Variants in ANXA6 observed in about 807,000 individuals in gnomAD.
ANXA6 encodes 67 kDa calelectrin.
Under a neutral mutation model 95.4 loss-of-function variants are expected in ANXA6, and 71 were observed. The ratio of observed to expected loss-of-function variants is 0.74; its 90% CI spans 0.61 to 0.91. The LOEUF (loss-of-function observed/expected upper bound fraction) is 0.91. Among genes scored for constraint, ANXA6 ranks in the 40% least tolerant of loss-of-function variants. The probability of loss-of-function intolerance (pLI) is 0.00; values close to 1 mark genes in which losing one functional copy is unlikely to be tolerated. For synonymous variants in ANXA6, 289 were observed against 315.9 expected, an observed-to-expected ratio of 0.91 and a Z score of 0.90; for missense variants, 830 against 876.4, an observed-to-expected ratio of 0.95 and a Z score of 0.67.
At position 151,108,525 on chromosome 5, in the gene ANXA6, G is replaced by A. The variant is rs1581977751; in HGVS notation, c.1710C>T (p.Thr570=). 1 of 1,613,844 alleles carries A rather than the reference G, an allele frequency of 6.2e-7. No homozygotes were observed. The highest frequency in any genetic ancestry group is 1.7e-5 in the Admixed American group (1 of 60,006). Residue 570 remains threonine (T), a synonymous_variant, in exon 23 of 26, where the codon ACC becomes ACT. Transcript: ENST00000354546. ...RRVFQEFIKM[T]NYDVEHTIKK... is the part of the protein sequence containing the mutation. ...TGATGGTGTGCTCCACGTCATAGTTGGTCATCTTGATGAACTCCTGGAAGA... is the reference window on the plus strand; with the variant it reads ...TGATGGTGTGCTCCACGTCATAGTTAGTCATCTTGATGAACTCCTGGAAGA...
intron 13 of ANXA6, among the ~76,000 whole-genome samples, chr5:151,127,951 A>G (rs1235994049): frequency 6.6e-6 from 1 of 152,156 alleles, no homozygotes; most frequent in Non-Finnish European, 1.5e-5. Flanking sequence ...ACAAGAGCAG[A>G]CATCTCCATA....
chr5:151,109,866 G>T lies in ANXA6; in HGVS notation c.1591-20C>A. 1 of 1,551,754 alleles carries T rather than the reference G, an allele frequency of 6.4e-7. No individual in the cohort carries two copies. The highest frequency in any genetic ancestry group is 8.8e-7 in the Non-Finnish European group (1 of 1,135,046). On this transcript the variant is annotated intron_variant, in intron 21 of 25. Transcript: ENST00000354546. ...TATTTCCTGCAGAGCCCCAGTTGGA[G>T]CAAGGATTTGGGAGGGGAGACATGA...
intron 10 of ANXA6, among the ~76,000 whole-genome samples, chr5:151,131,994 C>A (rs1469342298): frequency 6.6e-6 from 1 of 152,164 alleles, no homozygotes; most frequent in Non-Finnish European, 1.5e-5. Flanking sequence ...CACTGACTAG[C>A]CAGTTCCTCA....
At position 151,136,369 on chromosome 5, in the gene ANXA6, C is replaced by T. The variant is rs374979395; in HGVS notation, c.410-34G>A. 3.3e-5 allele frequency: 53 copies of T among 1,605,718 alleles called. No individual in the cohort carries two copies. In the African/African-American group the frequency reaches 5.1e-4, roughly 15 times the overall value. ...AGGAACGCAAGCTCTAGTCTCATCCCCAGAGACCTCAGGGATCTAGGATAA... is the reference window on the plus strand; with the variant it reads ...AGGAACGCAAGCTCTAGTCTCATCCTCAGAGACCTCAGGGATCTAGGATAA... On this transcript the variant is annotated intron_variant, in intron 6 of 25. Coordinates refer to ENST00000354546, the MANE Select transcript of ANXA6 (RefSeq NM_001155.5).
chr5:151,137,771 C>T (rs1340443553), intron 5 of ANXA6, among the ~76,000 whole-genome samples: 1 of 152,168 alleles, frequency 6.6e-6, no homozygotes, highest in African/African-American at 2.4e-5. Flanking sequence ...TTCTTGAGGC[C>T]TCCCCGGAAG....
In ANXA6 at chr5:151,137,589, C is replaced by T. The variant is rs57908704; in HGVS notation, c.319-268G>A. On this transcript the variant is annotated intron_variant, in intron 5 of 25. Coordinates refer to ENST00000354546, the MANE Select transcript of ANXA6 (RefSeq NM_001155.5). ...GTGGGAGGTGGTTGGATCATGGGGG[C>T]GGTTTCTCATGAATAGTTAGCACCA... Among the ~76,000 whole-genome samples the T allele has an allele frequency of 6.1e-3, 930 of 152,204 alleles. 13 individuals are homozygous for T. The highest frequency in any genetic ancestry group is 0.022 in the African/African-American group (899 of 41,512).
At position 151,132,558 on chromosome 5, in the gene ANXA6, A is replaced by G. The variant is rs771669164; in HGVS notation, c.654T>C (p.Tyr218=). Residue 218 remains tyrosine, a synonymous_variant, in exon 10 of 26, where the codon TAT becomes TAC. Coordinates refer to ENST00000354546, the MANE Select transcript of ANXA6 (RefSeq NM_001155.5). The part of the protein sequence containing the change: ...KQHLRLVFDE[Y]LKTTGKPIEA... Reference sequence around the variant, plus strand: ...CAATCGGCTTCCCTGTGGTCTTCAGATACTCATCGAACACTGCGTCAGACA... The same window carrying G: ...CAATCGGCTTCCCTGTGGTCTTCAGGTACTCATCGAACACTGCGTCAGACA... 6.2e-7 allele frequency: 1 copy of G among 1,612,996 alleles called. No homozygotes were observed. The highest frequency in any genetic ancestry group is 1.1e-5 in the South Asian group (1 of 90,778).
chr5:151,147,077 C>G (rs1765993306), intron 2 of ANXA6, among the ~76,000 whole-genome samples: 2 of 152,168 alleles, frequency 1.3e-5, no homozygotes. Flanking sequence ...CCAGCCTCAA[C>G]AGAGCACAGT....
chr5:151,138,472 TA>T (rs1364072667), intron 5 of ANXA6, among the ~76,000 whole-genome samples: 1 of 152,178 alleles, frequency 6.6e-6, no homozygotes, highest in Non-Finnish European at 1.5e-5. Context: ...AAGCTCCTGG[TA>T]AGGGGGTCTG....
chr5:151,108,740 C>T (rs966831325), intron 22 of ANXA6, among the ~76,000 whole-genome samples, 190 bp from the exon 23 acceptor site: 3 of 152,238 alleles, frequency 2.0e-5, no homozygotes, highest in Non-Finnish European at 4.4e-5. Flanking sequence ...GACATCAAGG[C>T]TGCCGTGGGC....
rs58268342 is a variant in ANXA6, at chr5:151,154,295, GTATATATATA to G, written c.-26+3375_-26+3384del. Among the ~76,000 whole-genome samples, 297 of 139,010 alleles carry G rather than the reference GTATATATATA, an allele frequency of 2.1e-3. 1 individual carries two copies. The highest frequency in any genetic ancestry group is 2.8e-3 in the Non-Finnish European group (179 of 63,790). The allele number at this position is 139,010 out of a possible 152,430, so 91.2% of individuals were successfully genotyped here. On this transcript the variant is annotated intron_variant, in intron 1 of 25. Transcript: ENST00000354546. ...AGGTGATGTCATATGGCAGTTTGCA[GTATATATATA>G]TATATATATATATATATATATATAT...
chr5:151,140,197 G>A lies in ANXA6; in HGVS notation c.65C>T (p.Pro22Leu). Residue 22 changes from proline to leucine, a missense_variant, in exon 3 of 26, where the codon CCC becomes CTC. Pro to Leu is a moderately conservative substitution (Grantham distance 98). Coordinates refer to ENST00000354546, the MANE Select transcript of ANXA6 (RefSeq NM_001155.5). ...GTACAGAGCCTCGGCATCCTGGTTG[G>A]GGTCAAAGCCTGGGAAGTCATGGAT... is the stretch of plus-strand genomic sequence containing the variant. ...GSIHDFPGFD[P>L]NQDAEALYTA... 2.5e-6 allele frequency: 4 copies of A among 1,613,920 alleles called. No homozygotes were observed. Among genetic ancestry groups the A allele is most frequent in the Non-Finnish European group, 3.4e-6 (4 of 1,179,880 alleles).
rs114822273 is a variant in ANXA6, at chr5:151,132,667, C to T, written c.641-96G>A. On this transcript the variant is annotated intron_variant, in intron 9 of 25. Coordinates refer to ENST00000354546, the MANE Select transcript of ANXA6 (RefSeq NM_001155.5). ...GAGCAGGGGGGCACAGTGGCCAGGA[C>T]GACTGTCCACCATGAAGCTAGGGCT... The T allele has an allele frequency of 7.3e-4, 723 of 996,100 alleles. 12 individuals carry two copies. In the South Asian group the frequency reaches 9.6e-3, roughly 13 times the overall value. The allele number at this position is 996,100 out of a possible 1,614,324, so 61.7% of individuals were successfully genotyped here. A position where few individuals can be genotyped will look rare whatever the true frequency, so the allele number is the denominator to read the frequency against.
intron 1 of ANXA6, among the ~76,000 whole-genome samples, chr5:151,149,179 C>CA (rs36120948): frequency 0.34 from 15,868 of 47,264 alleles, 3,713 homozygotes; most frequent in East Asian, 0.5. Flanking sequence ...AGCCCTGTCT[C>CA]AAAAAAAAAA....
At chr5:151,110,517 A>C in intron 21 of ANXA6, 110 bp downstream of exon 21, 1 of 1,224,376 alleles carries the variant, frequency 8.2e-7, no homozygotes, top group South Asian at 1.3e-5. Flanking sequence ...GAGAGAGAGA[A>C]GCCGCACAGC....
chr5:151,126,291 A>G lies in ANXA6; in HGVS notation c.1056+111T>C, dbSNP rs573534950. 115 of 844,944 alleles carry G rather than the reference A, an allele frequency of 1.4e-4. No homozygotes were observed. The East Asian group carries it at 3.0e-3, about 22-fold the overall frequency. The allele number at this position is 844,944 out of a possible 1,614,324, so 52.3% of individuals were successfully genotyped here. A position where few individuals can be genotyped will look rare whatever the true frequency, so the allele number is the denominator to read the frequency against. The stretch of plus-strand genomic sequence containing the variant: ...AAGGAAGCTTCAGATGTGAGAATCA[A>G]CGTGTCGGGTTGGCCGCCAGGGGGC... On this transcript the variant is annotated intron_variant, in intron 14 of 25. Transcript: ENST00000354546.
intron 17 of ANXA6, among the ~76,000 whole-genome samples, chr5:151,121,546 T>A (rs79934612): frequency 0.027 from 4,066 of 152,272 alleles, 178 homozygotes; most frequent in African/African-American, 0.088. Flanking sequence ...TGACCTGTCC[T>A]AGTTTGAAGG....
intron 2 of ANXA6, among the ~76,000 whole-genome samples, chr5:151,143,694 CTG>C (rs1400201366): frequency 6.6e-6 from 1 of 152,162 alleles, no homozygotes; most frequent in Non-Finnish European, 1.5e-5. Flanking sequence ...AGGGCAGGGA[CTG>C]TGTCTCTCTT....
chr5:151,102,469 C>A (rs1043831321), intron 25 of ANXA6, among the ~76,000 whole-genome samples: 1 of 152,130 alleles, frequency 6.6e-6, no homozygotes, highest in East Asian at 1.9e-4. Context: ...TTTGGGAGGC[C>A]AAGGCAGGTG....
Sources: allele counts gnomAD v4.1 joint callset (sites outside exome capture counted in the v4.1 genomes callset), GRCh38; gene constraint gnomAD v4.1.1; transcripts MANE v1.5; gene names NCBI Gene and HGNC (gene_info 2026-07-23, HGNC 2026-07-21).